SFXN4: variants seen among roughly 807,000 people sequenced by gnomAD.
SFXN4 encodes sideroflexin-4.
Under a neutral mutation model 54.6 loss-of-function variants are expected in SFXN4, and 48 were observed. That is an observed-to-expected ratio of 0.88 (90% CI 0.70 to 1.12). The LOEUF (loss-of-function observed/expected upper bound fraction) is 1.12, where lower values mean the gene tolerates loss of function less well. Among genes scored for constraint, SFXN4 ranks in the 50% most tolerant of loss-of-function variants. The probability of loss-of-function intolerance (pLI) is 0.00; values close to 1 mark genes in which losing one functional copy is unlikely to be tolerated. For missense variants in SFXN4, 383 were observed against 409.2 expected, an observed-to-expected ratio of 0.94 and a Z score of 0.55; for synonymous variants, 130 against 145.5, an observed-to-expected ratio of 0.89 and a Z score of 0.77.
At chr10:119,156,559 G>A in intron 10 of SFXN4, 119 bp downstream of exon 10, 2 of 801,648 alleles carry the variant, frequency 2.5e-6, no homozygotes, top group East Asian at 5.4e-5. Context: ...GGGCTGCAAA[G>A]GCCACCTGTC....
At chr10:119,154,857 T>A (rs138764506) in intron 11 of SFXN4, among the ~76,000 whole-genome samples, 1 of 151,366 alleles carries the variant, frequency 6.6e-6, no homozygotes, top group African/African-American at 2.4e-5. Flanking sequence ...TGTACATATA[T>A]CCCATTGGTT....
intron 13 of SFXN4, among the ~76,000 whole-genome samples, chr10:119,142,726 ATTTTTTTTTTTTT>A (rs573311460): frequency 2.6e-5 from 2 of 77,468 alleles, no homozygotes; most frequent in African/African-American, 1.0e-4. Flanking sequence ...AATGTTTTGA[ATTTTTTTTTTTTT>A]TTTTTTTTTT....
Position 119,161,996 on chromosome 10 carries a change from G to A in SFXN4, c.252+344C>T, listed in dbSNP as rs1022894816. 23 of 347,086 alleles carry A rather than the reference G, an allele frequency of 6.6e-5. No homozygotes were observed. In the East Asian group the frequency reaches 8.9e-4, roughly 13 times the overall value. 21.5% of individuals were successfully genotyped at this position (347,086 alleles called of 1,614,324 possible). A position where few individuals can be genotyped will look rare whatever the true frequency, so the allele number is the denominator to read the frequency against. ...CCTGCAGTGGAGAATGAATTCTGAC[G>A]TCAGAGCCCTGTCTGAATTCTGGGG... is the stretch of plus-strand genomic sequence containing the variant. On this transcript the variant is annotated intron_variant, in intron 3 of 13. Transcript: ENST00000355697.
At chr10:119,143,499 CTAAT>C (rs2133564769) in intron 13 of SFXN4, among the ~76,000 whole-genome samples, 1 of 152,200 alleles carries the variant, frequency 6.6e-6, no homozygotes, top group Admixed American at 6.5e-5. Context: ...CCATGCCTGG[CTAAT>C]TATTATTTTT....
At chr10:119,158,615 C>CAAAAA (rs35982987) in intron 6 of SFXN4, among the ~76,000 whole-genome samples, 22 of 65,670 alleles carry the variant, frequency 3.4e-4, no homozygotes, top group African/African-American at 6.3e-4. Context: ...GACTCCGTCT[C>CAAAAA]AAAAAAAAAA....
intron 12 of SFXN4, among the ~76,000 whole-genome samples, chr10:119,147,139 A>G (rs1454106340): frequency 6.6e-6 from 1 of 151,572 alleles, no homozygotes; most frequent in East Asian, 1.9e-4. Context: ...CTGGCAGGAG[A>G]GAAGGACTCG....
At chr10:119,141,550 G>A (rs1846525551) in intron 13 of SFXN4, among the ~76,000 whole-genome samples, 1 of 118,274 alleles carries the variant, frequency 8.5e-6, no homozygotes, top group Non-Finnish European at 1.6e-5. Flanking sequence ...TTGCTCTGTT[G>A]CGCAGGCTGG....
intron 1 of SFXN4, 60 bp downstream of exon 1, chr10:119,165,477 A>T: frequency 6.8e-7 from 1 of 1,478,824 alleles, no homozygotes; most frequent in Middle Eastern, 1.8e-4. Context: ...GGTCAGCCCG[A>T]CTCCACGCGG....
At chr10:119,149,001 C>G (rs1412914033) in intron 11 of SFXN4, among the ~76,000 whole-genome samples, 1 of 152,122 alleles carries the variant, frequency 6.6e-6, no homozygotes, top group Non-Finnish European at 1.5e-5. Context: ...ATCCTCCTAC[C>G]TTAGCCTCCC....
intron 2 of SFXN4, among the ~76,000 whole-genome samples, chr10:119,162,805 G>A (rs1232116167): frequency 6.6e-6 from 1 of 151,740 alleles, no homozygotes; most frequent in East Asian, 1.9e-4. Context: ...TTTTCTTATT[G>A]TTTTTTAAGA....
At chr10:119,146,632 C>CA (rs1846825076) in intron 12 of SFXN4, among the ~76,000 whole-genome samples, 1 of 151,882 alleles carries the variant, frequency 6.6e-6, no homozygotes, top group African/African-American at 2.4e-5. Context: ...GTAATGGTGC[C>CA]ATCTTGGTTC....
intron 10 of SFXN4, 33 bp downstream of exon 10, chr10:119,156,645 C>G (rs1470079382): frequency 4.5e-6 from 7 of 1,544,028 alleles, no homozygotes; most frequent in Non-Finnish European, 5.3e-6. Flanking sequence ...AGACACCCCA[C>G]CCAGACTGCA....
intron 13 of SFXN4, among the ~76,000 whole-genome samples, chr10:119,143,383 C>T (rs11198802): frequency 1 from 149,522 of 150,202 alleles, 74,422 homozygotes; most frequent in Middle Eastern, 1. Flanking sequence ...TTTTTTTTTT[C>T]GAGACAGGGT....
At chr10:119,163,999 C>T (rs1488129218) in intron 2 of SFXN4, 132 bp downstream of exon 2, 7 of 631,768 alleles carry the variant, frequency 1.1e-5, no homozygotes, top group Non-Finnish European at 1.9e-5. Flanking sequence ...GAGATGGTGC[C>T]ACTGCACTCC....
rs1202407333 is a variant in SFXN4, at chr10:119,165,538, T to C, written c.110A>G (p.Gln37Arg). 3.2e-6 allele frequency: 5 copies of C among 1,581,182 alleles called. No individual in the cohort carries two copies. Among genetic ancestry groups the C allele is most frequent in the Non-Finnish European group, 4.3e-6 (5 of 1,167,842 alleles). Residue 37 changes from glutamine to arginine, a missense_variant and splice_region_variant, in exon 1 of 14, where the codon CAA becomes CGA. Physicochemically the swap from Gln to Arg is conservative, Grantham distance 43 (BLOSUM62 1). Transcript: ENST00000355697. ...AGTCGCGCCGGGCCCGGGCCGTACT[T>C]GGCGCTCGGTGATCCAGAAGCGCAC... is the stretch of plus-strand genomic sequence containing the variant. ...PNVRFWITER[Q>R]SFIRRFLQWT... is the part of the protein sequence containing the mutation.
chr10:119,146,460 T>TGTGTGTGTGCGC lies in SFXN4; in HGVS notation c.819-108_819-107insGCGCACACACAC, dbSNP rs141608372. On this transcript the variant is annotated intron_variant, in intron 12 of 13. Transcript: ENST00000355697. ...GTGTGTGTGTGTGTGTGTGTGTGTG[T>TGTGTGTGTGCGC]GCACGTGTGTGTGTACCTGAACACC... is the stretch of plus-strand genomic sequence containing the variant. 253 of 570,988 alleles carry TGTGTGTGTGCGC rather than the reference T, an allele frequency of 4.4e-4. 2 individuals are homozygous for TGTGTGTGTGCGC. The African/African-American group carries it at 5.0e-3, about 11-fold the overall frequency. The allele number at this position is 570,988 out of a possible 1,614,324, so 35.4% of individuals were successfully genotyped here. A position where few individuals can be genotyped will look rare whatever the true frequency, so the allele number is the denominator to read the frequency against.
chr10:119,157,551 T>C (rs1847322867), intron 9 of SFXN4, 117 bp downstream of exon 9: 3 of 826,552 alleles, frequency 3.6e-6, no homozygotes, highest in Admixed American at 2.9e-5. Flanking sequence ...TGACTTTTAT[T>C]TCCTAGTCAT....
At position 119,151,385 on chromosome 10, in the gene SFXN4, A is replaced by C. The variant is rs139242946; in HGVS notation, c.733-3525T>G. On this transcript the variant is annotated intron_variant, in intron 11 of 13. Coordinates refer to ENST00000355697, the MANE Select transcript of SFXN4 (RefSeq NM_213649.2). ...CTCTGACTCAAAACAAACAAACAAA[A>C]AAAAAGAAGCAGATCAGTGCCTCCC... is the stretch of plus-strand genomic sequence containing the variant. 6.3e-3 allele frequency among the ~76,000 whole-genome samples: 779 copies of C among 123,622 alleles called. 8 individuals carry two copies. Among genetic ancestry groups the C allele is most frequent in the African/African-American group, 0.021 (681 of 32,882 alleles). 81.1% of individuals were successfully genotyped at this position (123,622 alleles called of 152,430 possible).
At position 119,141,246 on chromosome 10, in the gene SFXN4, A is replaced by G; in HGVS notation, c.1010T>C (p.Val337Ala). The change falls in exon 14 of 14, where the codon GTG becomes GCG. Residue 337 changes from valine (V) to alanine (A), a missense_variant. Coordinates refer to ENST00000355697, the MANE Select transcript of SFXN4 (RefSeq NM_213649.2). ...EETEIFYHRG[V>A] ...AAATTCACCTAAAACTCACGCCTACACCCCTCTGTGATAAAAGATTTCTGT... is the reference window on the plus strand; with the variant it reads ...AAATTCACCTAAAACTCACGCCTACGCCCCTCTGTGATAAAAGATTTCTGT... The G allele has an allele frequency of 3.1e-6, 5 of 1,610,268 alleles. No homozygotes were observed. The highest frequency in any genetic ancestry group is 4.2e-6 in the Non-Finnish European group (5 of 1,176,856).
Sources: gnomAD v4.1 joint callset for allele counts (sites outside exome capture counted in the v4.1 genomes callset) on GRCh38, gnomAD v4.1.1 for gene constraint, MANE v1.5 for transcripts, NCBI Gene and HGNC (gene_info 2026-07-23, HGNC 2026-07-21) for gene names.